The following PRKDC variants were observed in gnomAD, a reference collection of about 807,000 sequenced individuals.
PRKDC encodes the protein DNA-dependent protein kinase catalytic subunit.
A neutral mutation model predicts 486.9 loss-of-function variants in PRKDC; 82 were observed. That is an observed-to-expected ratio of 0.17 (90% CI 0.14 to 0.20). The LOEUF is 0.20. Among genes scored for constraint, PRKDC ranks in the 10% least tolerant of loss-of-function variants. The pLI, the probability that PRKDC is intolerant of heterozygous loss-of-function variation, is 1.00. For missense variants in PRKDC, 4,504 were observed against 5,038.2 expected (o/e 0.89, Z 3.21); for synonymous variants, 1,895 against 1,837.0 (o/e 1.03, Z -0.81).
chr8:47,819,149 C>T (rs1055104898), intron 67 of PRKDC, among the ~76,000 whole-genome samples: 3 of 152,192 alleles, frequency 2.0e-5, no homozygotes, highest in African/African-American at 4.8e-5. Context: ...GGAGTCACCC[C>T]GCTACTCCAA....
Position 47,939,687 on chromosome 8 carries a change from A to G in PRKDC, c.977T>C (p.Met326Thr), listed in dbSNP as rs1196981153. The stretch of plus-strand genomic sequence containing the variant: ...ATGCATTTCTGCATTTTTCGCCACC[A>G]TATTAGAAACCTGCAAATACATAAT... The part of the protein sequence containing the change: ...LESFLKQVSN[M>T]VAKNAEMHKN... The change falls in exon 11 of 86, where the codon ATG becomes ACG. Residue 326 changes from methionine (M) to threonine (T), a missense_variant. Coordinates refer to ENST00000314191, the MANE Select transcript of PRKDC (RefSeq NM_006904.7). The G allele has an allele frequency of 6.3e-7, 1 of 1,598,788 alleles. No individual in the cohort carries two copies. The highest frequency in any genetic ancestry group is 1.7e-5 in the Admixed American group (1 of 57,286).
At chr8:47,878,679 T>C (rs1168341291) in intron 39 of PRKDC, among the ~76,000 whole-genome samples, 1 of 152,222 alleles carries the variant, frequency 6.6e-6, no homozygotes, top group Non-Finnish European at 1.5e-5. Flanking sequence ...ATCTTCAGAA[T>C]AGAACAAGTA....
At chr8:47,857,620 A>G (rs1472490099) in intron 48 of PRKDC, among the ~76,000 whole-genome samples, 1 of 152,154 alleles carries the variant, frequency 6.6e-6, no homozygotes, top group African/African-American at 2.4e-5. Flanking sequence ...AGGCTCTCTC[A>G]TAGCTCTCGA....
rs2086562358 is a variant in PRKDC at position 47,774,005 on chromosome 8, C to T, written c.*168G>A. 1 of 644,176 alleles carries T rather than the reference C, an allele frequency of 1.6e-6. No individual in the cohort carries two copies. Among genetic ancestry groups the T allele is most frequent in the South Asian group, 2.3e-5 (1 of 43,158 alleles). The allele number at this position is 644,176 out of a possible 1,614,324, so 39.9% of individuals were successfully genotyped here. On this transcript the variant is annotated 3_prime_UTR_variant, in exon 86 of 86. Transcript: ENST00000314191. Reference sequence around the variant, plus strand: ...AACCTTATCTTTGATTTAACCCATACACATTTACTCATCATAATCTTGATT... The same window carrying T: ...AACCTTATCTTTGATTTAACCCATATACATTTACTCATCATAATCTTGATT...
chr8:47,891,066 C>T (rs940914064), intron 31 of PRKDC, among the ~76,000 whole-genome samples: 11 of 152,156 alleles, frequency 7.2e-5, no homozygotes, highest in African/African-American at 1.2e-4. Context: ...TCATAAAACT[C>T]GTTTGTCTGA....
intron 1 of PRKDC, 126 bp from the exon 2 acceptor site, chr8:47,957,557 C>T: frequency 2.6e-6 from 2 of 781,790 alleles, no homozygotes; most frequent in Admixed American, 5.2e-5. Context: ...GTCGCCCAGG[C>T]TGGAGTGCAG....
chr8:47,939,493 A>G, intron 11 of PRKDC, 58 bp downstream of exon 11: 2 of 1,546,138 alleles, frequency 1.3e-6, no homozygotes, highest in Non-Finnish European at 1.8e-6. Context: ...AATGAATTAG[A>G]TTCCTTTAAA....
Position 47,852,686 on chromosome 8 carries a change from A to G in PRKDC, c.6992T>C (p.Met2331Thr), listed in dbSNP as rs753393942. ...EVLGLILRYV[M>T]ERKNILEESL... is the part of the protein sequence containing the mutation. ...TAGCACACTCACGTTTTTTCTCTCC[A>G]TAACATATCGAAGTATAAGTCCTAG... Residue 2331 changes from methionine (M) to threonine (T), a missense_variant, in exon 52 of 86, where the codon ATG becomes ACG. Coordinates refer to ENST00000314191, the MANE Select transcript of PRKDC (RefSeq NM_006904.7). 7.7e-6 allele frequency: 12 copies of G among 1,568,082 alleles called. No individual in the cohort carries two copies. In the East Asian group the frequency reaches 2.8e-4, roughly 36 times the overall value.
In PRKDC at chr8:47,820,693, C is replaced by T. The variant is rs555209626; in HGVS notation, c.9336+26G>A. ...TATATATACACTATATATATACAAGCATATATATATAATATATAGTATTAC... is the reference window on the plus strand; with the variant it reads ...TATATATACACTATATATATACAAGTATATATATATAATATATAGTATTAC... On this transcript the variant is annotated intron_variant, in intron 66 of 85. Transcript: ENST00000314191. 3.0e-4 allele frequency: 336 copies of T among 1,118,154 alleles called. 1 individual carries two copies. The African/African-American group carries it at 4.6e-3, about 15-fold the overall frequency. The allele number at this position is 1,118,154 out of a possible 1,614,324, so 69.3% of individuals were successfully genotyped here.
intron 77 of PRKDC, among the ~76,000 whole-genome samples, chr8:47,784,524 ATG>A (rs1474548247): frequency 2.0e-5 from 3 of 152,354 alleles, no homozygotes; most frequent in Admixed American, 6.5e-5. Flanking sequence ...AAATGAGAAT[ATG>A]AACAACCAGA....
intron 39 of PRKDC, among the ~76,000 whole-genome samples, chr8:47,878,938 T>C (rs193142605): frequency 3.3e-5 from 5 of 152,252 alleles, no homozygotes; most frequent in Non-Finnish European, 4.4e-5. Flanking sequence ...TACACAAACA[T>C]TCCAAAATCC....
rs988150797 is a variant in PRKDC at position 47,939,603 on chromosome 8, G to A, written c.1061C>T (p.Ser354Leu). The change falls in exon 11 of 86, where the codon TCG becomes TTG. Residue 354 changes from serine to leucine, a missense_variant. This residue lies in a region of PRKDC where 1,969 missense variants were observed against 2,068.9 expected (regional missense o/e 0.95). Coordinates refer to ENST00000314191, the MANE Select transcript of PRKDC (RefSeq NM_006904.7). ...AGCAATAGATAACTCCTTGTTGTTC[G>A]AATCCACATTTCTGATGATTCCATA... is the stretch of plus-strand genomic sequence containing the variant. ...QFYGIIRNVD[S>L]NNKELSIAIR... 3.1e-6 allele frequency: 5 copies of A among 1,613,410 alleles called. No individual in the cohort carries two copies. Among genetic ancestry groups the A allele is most frequent in the South Asian group, 1.1e-5 (1 of 91,034 alleles).
At chr8:47,909,964 C>T (rs1458192366) in intron 25 of PRKDC, among the ~76,000 whole-genome samples, 1 of 152,124 alleles carries the variant, frequency 6.6e-6, no homozygotes, top group Non-Finnish European at 1.5e-5. Context: ...GCCTTGTGAC[C>T]TTTATTGCCC....
Position 47,774,007 on chromosome 8 carries a change from C to T in PRKDC, c.*166G>A. ...CCTTATCTTTGATTTAACCCATACA[C>T]ATTTACTCATCATAATCTTGATTTA... is the stretch of plus-strand genomic sequence containing the variant. On this transcript the variant is annotated 3_prime_UTR_variant, in exon 86 of 86. Transcript: ENST00000314191. 1.5e-6 allele frequency: 1 copy of T among 658,152 alleles called. No homozygotes were observed. The highest frequency in any genetic ancestry group is 2.5e-6 in the Non-Finnish European group (1 of 396,576). The allele number at this position is 658,152 out of a possible 1,614,324, so 40.8% of individuals were successfully genotyped here.
intron 25 of PRKDC, among the ~76,000 whole-genome samples, chr8:47,907,411 TACACACACACACAC>T (rs746467406): frequency 6.7e-6 from 1 of 148,938 alleles, no homozygotes; most frequent in Admixed American, 6.8e-5. Flanking sequence ...TATATATATA[TACACACACACACAC>T]ACACACACAC....
chr8:47,830,500 T>C (rs2087838963), intron 61 of PRKDC, 105 bp downstream of exon 61: 1 of 1,457,156 alleles, frequency 6.9e-7, no homozygotes, highest in Non-Finnish European at 9.3e-7. Flanking sequence ...CAACACCTCA[T>C]CTATGTTGCA....
intron 73 of PRKDC, among the ~76,000 whole-genome samples, chr8:47,796,991 C>G (rs1441005556): frequency 6.6e-6 from 1 of 152,046 alleles, no homozygotes; most frequent in Non-Finnish European, 1.5e-5. Context: ...CATTCCAAGA[C>G]CATTTAAAAA....
At chr8:47,799,676 C>T (rs112200705) in intron 71 of PRKDC, among the ~76,000 whole-genome samples, 223 of 152,084 alleles carry the variant, frequency 1.5e-3, no homozygotes, top group African/African-American at 4.9e-3. Context: ...GCGTGGCTGT[C>T]GGGAATATAA....
intron 40 of PRKDC, 156 bp from the exon 41 acceptor site, chr8:47,864,919 G>A: frequency 1.7e-6 from 1 of 587,018 alleles, no homozygotes; most frequent in Non-Finnish European, 2.8e-6. Flanking sequence ...AACACAAAAA[G>A]CATTTGCACA....
Sources: gnomAD v4.1 joint callset for allele counts (sites outside exome capture counted in the v4.1 genomes callset) on GRCh38, gnomAD v4.1.1 for gene constraint, gnomAD v4.1.1 regional missense constraint, MANE v1.5 for transcripts, NCBI Gene and HGNC (gene_info 2026-07-23, HGNC 2026-07-21) for gene names.